Variants in ZNF12 observed in about 807,000 individuals in gnomAD.
The protein encoded by ZNF12 is gonadotropin inducible transcription repressor 3.
ZNF12 carries 34 observed loss-of-function variants against 66.6 expected under a neutral mutation model. That is an observed-to-expected ratio of 0.51 (90% CI 0.39 to 0.68). The LOEUF is 0.68. Among genes scored for constraint, ZNF12 ranks in the 30% least tolerant of loss-of-function variants. The probability of loss-of-function intolerance (pLI) is 0.00; values close to 1 mark genes in which losing one functional copy is unlikely to be tolerated. For synonymous variants in ZNF12, 320 were observed against 278.9 expected, an observed-to-expected ratio of 1.15 and a Z score of -1.47; for missense variants, 697 against 826.9, an observed-to-expected ratio of 0.84 and a Z score of 1.93.
Position 6,698,468 on chromosome 7 carries a change from C to G in ZNF12, c.16-657G>C, listed in dbSNP as rs1294129111. Reference sequence around the variant, plus strand: ...TGGCAAACTCAACATCCCTGAAATTCAATTGCTGTTCCTGTTCAAACCTGC... The same window carrying G: ...TGGCAAACTCAACATCCCTGAAATTGAATTGCTGTTCCTGTTCAAACCTGC... On this transcript the variant is annotated intron_variant, in intron 2 of 4. Coordinates refer to ENST00000405858, the MANE Select transcript of ZNF12 (RefSeq NM_016265.4). This position sits in a 1 kb window ranked among gnomAD's most constrained non-coding sequence, Gnocchi z 4.4. Among the ~76,000 whole-genome samples the G allele has an allele frequency of 1.3e-5, 2 of 152,194 alleles. No individual in the cohort carries two copies. The highest frequency in any genetic ancestry group is 2.9e-5 in the Non-Finnish European group (2 of 68,032).
At chr7:6,695,167 G>A (rs563106972) in intron 4 of ZNF12, among the ~76,000 whole-genome samples, 16 of 152,188 alleles carry the variant, frequency 1.1e-4, no homozygotes, top group Admixed American at 2.0e-4. Flanking sequence ...TGCCCGCCTC[G>A]GCCTCCCAAA....
chr7:6,688,797 C>T lies in ZNF12; in HGVS notation c.*2051G>A, dbSNP rs1294685547. The T allele has an allele frequency of 2.0e-5, 3 of 152,454 alleles. No individual in the cohort carries two copies. Among genetic ancestry groups the T allele is most frequent in the African/African-American group, 7.2e-5 (3 of 41,454 alleles). The allele number at this position is 152,454 out of a possible 1,614,324, so 9.4% of individuals were successfully genotyped here. A position where few individuals can be genotyped will look rare whatever the true frequency, so the allele number is the denominator to read the frequency against. ...CTTACCTCATACTATATGTTGTCAGCTAACACTGTAGCAGTGGTATATGAA... is the reference window on the plus strand; with the variant it reads ...CTTACCTCATACTATATGTTGTCAGTTAACACTGTAGCAGTGGTATATGAA... On this transcript the variant is annotated 3_prime_UTR_variant, in exon 5 of 5. Coordinates refer to ENST00000405858, the MANE Select transcript of ZNF12 (RefSeq NM_016265.4). This position sits in a 1 kb window ranked among gnomAD's most constrained non-coding sequence, Gnocchi z 4.3.
intron 2 of ZNF12, among the ~76,000 whole-genome samples, chr7:6,699,229 G>T (rs1188426858): frequency 6.6e-6 from 1 of 152,226 alleles, no homozygotes; most frequent in Admixed American, 6.5e-5. Context: ...GTCATGTTCA[G>T]AGCTACGTAA....
In ZNF12 at chr7:6,692,267, G is replaced by A. The variant is rs370027127; in HGVS notation, c.675C>T (p.Ala225=). The A allele has an allele frequency of 1.2e-6, 2 of 1,613,216 alleles. No homozygotes were observed. Among genetic ancestry groups the A allele is most frequent in the Non-Finnish European group, 1.7e-6 (2 of 1,179,658 alleles). ...KPFEYIECQK[A]FQKDTVFVNH... ...TAACAAAAACAGTGTCCTTTTGGAA[G>A]GCTTTCTGGCATTCAATATATTCAA... Residue 225 remains alanine (A), a synonymous_variant, in exon 5 of 5, where the codon GCC becomes GCT. Transcript: ENST00000405858. The surrounding 1 kb of genome is among the most constrained non-coding windows in gnomAD (Gnocchi z 5.1).
chr7:6,702,514 A>G (rs1225996346), intron 2 of ZNF12, among the ~76,000 whole-genome samples: 15 of 23,036 alleles, frequency 6.5e-4, no homozygotes, highest in East Asian at 1.9e-3. Context: ...ACACAGATTT[A>G]TCTCCCAAAC....
intron 2 of ZNF12, chr7:6,704,315 TA>T (rs899055516): frequency 1.1e-3 from 145 of 133,444 alleles, no homozygotes; most frequent in Middle Eastern, 4.1e-3. Flanking sequence ...ACTCCATCTT[TA>T]AAAAAAAAAA....
At position 6,706,891 on chromosome 7, in the gene ZNF12, A is replaced by G; in HGVS notation, c.-510T>C. ...CCGCGATTCTCGCCCACCGGAGGCCAAAGCCTGGGAACTAGGGCGAGCGGT... is the reference window on the plus strand; with the variant it reads ...CCGCGATTCTCGCCCACCGGAGGCCGAAGCCTGGGAACTAGGGCGAGCGGT... On this transcript the variant is annotated 5_prime_UTR_variant, in exon 1 of 5. Transcript: ENST00000405858. The G allele has an allele frequency of 2.5e-6, 1 of 407,806 alleles. No homozygotes were observed. The highest frequency in any genetic ancestry group is 4.9e-6 in the Non-Finnish European group (1 of 206,070). 25.3% of individuals were successfully genotyped at this position (407,806 alleles called of 1,614,324 possible). A position where few individuals can be genotyped will look rare whatever the true frequency, so the allele number is the denominator to read the frequency against.
Position 6,692,433 on chromosome 7 carries a change from C to T in ZNF12, c.509G>A (p.Gly170Glu), listed in dbSNP as rs541193790. ...YARMKADECS[G>E]CGKSLLHIKL... Reference sequence around the variant, plus strand: ...AATATGGAGGAGTGATTTCCCACATCCACTACATTCATCAGCTTTCATTCT... The same window carrying T: ...AATATGGAGGAGTGATTTCCCACATTCACTACATTCATCAGCTTTCATTCT... The change falls in exon 5 of 5, where the codon GGA becomes GAA. Residue 170 changes from glycine to glutamate, a missense_variant. Coordinates refer to ENST00000405858, the MANE Select transcript of ZNF12 (RefSeq NM_016265.4). The surrounding 1 kb of genome is among the most constrained non-coding windows in gnomAD (Gnocchi z 5.1). 8.6e-5 allele frequency: 138 copies of T among 1,613,288 alleles called. 1 individual carries two copies. In the South Asian group the frequency reaches 1.5e-3, roughly 17 times the overall value.
At chr7:6,702,371 T>C (rs1343467559) in intron 2 of ZNF12, among the ~76,000 whole-genome samples, 1 of 138,966 alleles carries the variant, frequency 7.2e-6, no homozygotes, top group Non-Finnish European at 1.5e-5. Context: ...ACCAGATTCA[T>C]CTCCCAAACT....
chr7:6,698,115 G>A lies in ZNF12; in HGVS notation c.16-304C>T. On this transcript the variant is annotated intron_variant, in intron 2 of 4. Coordinates refer to ENST00000405858, the MANE Select transcript of ZNF12 (RefSeq NM_016265.4). This position sits in a 1 kb window ranked among gnomAD's most constrained non-coding sequence, Gnocchi z 4.4. ...TCTCACCCCTGAGGAGCACAGGCCT[G>A]GGGACACTCACAGAACCCCAGGATG... The A allele has an allele frequency of 1.8e-6, 1 of 565,334 alleles. No individual in the cohort carries two copies. The highest frequency in any genetic ancestry group is 3.3e-6 in the Non-Finnish European group (1 of 298,606). 35.0% of individuals were successfully genotyped at this position (565,334 alleles called of 1,614,324 possible). A position where few individuals can be genotyped will look rare whatever the true frequency, so the allele number is the denominator to read the frequency against.
rs1780364128 is a variant in ZNF12, at chr7:6,706,662, G to A, written c.-281C>T. 6.0e-5 allele frequency: 21 copies of A among 350,304 alleles called. No individual in the cohort carries two copies. Among genetic ancestry groups the A allele is most frequent in the South Asian group, 3.9e-4 (19 of 48,744 alleles). The allele number at this position is 350,304 out of a possible 1,614,324, so 21.7% of individuals were successfully genotyped here. A position where few individuals can be genotyped will look rare whatever the true frequency, so the allele number is the denominator to read the frequency against. ...CGTCCTGCGGAGCCGGGGCCGGGCCGTCGAGGACGCACACGGGCCGGGCCC... is the reference window on the plus strand; with the variant it reads ...CGTCCTGCGGAGCCGGGGCCGGGCCATCGAGGACGCACACGGGCCGGGCCC... On this transcript the variant is annotated 5_prime_UTR_variant, in exon 1 of 5. In the 5' UTR this introduces an upstream ATG that the reference lacks. Coordinates refer to ENST00000405858, the MANE Select transcript of ZNF12 (RefSeq NM_016265.4).
In ZNF12 at chr7:6,690,906, T is replaced by C. The variant is rs747011240; in HGVS notation, c.2036A>G (p.His679Arg). Residue 679 changes from histidine (H) to arginine (R), a missense_variant, in exon 5 of 5, where the codon CAT becomes CGT. Physicochemically the swap from His to Arg is conservative, Grantham distance 29. This residue lies in a region of ZNF12 where 401 missense variants were observed against 519.0 expected (regional missense o/e 0.77). Transcript: ENST00000405858. ...KFYHKSAFNS[H>R]QRIHRRGNMN... ...ATTGCCTCTCCTATGAATTCTCTGATGGCTGTTGAATGCTGATTTGTGGTA... is the reference window on the plus strand; with the variant it reads ...ATTGCCTCTCCTATGAATTCTCTGACGGCTGTTGAATGCTGATTTGTGGTA... 6.2e-7 allele frequency: 1 copy of C among 1,614,040 alleles called. No homozygotes were observed. The highest frequency in any genetic ancestry group is 8.5e-7 in the Non-Finnish European group (1 of 1,179,940).
chr7:6,694,166 CA>C lies in ZNF12; in HGVS notation c.239-1464del, dbSNP rs753121327. On this transcript the variant is annotated intron_variant, in intron 4 of 4. Transcript: ENST00000405858. Reference sequence around the variant, plus strand: ...TGGGTGACAGAGTGAGAATCTGTCTCAAAAAAAAAAACAAAACAAACAAAAC... The same window carrying C: ...TGGGTGACAGAGTGAGAATCTGTCTCAAAAAAAAAACAAAACAAACAAAAC... Among the ~76,000 whole-genome samples, 767 of 139,434 alleles carry C rather than the reference CA, an allele frequency of 5.5e-3. 19 individuals are homozygous for C. In the East Asian group the frequency reaches 0.074, roughly 14 times the overall value. The allele number at this position is 139,434 out of a possible 152,430, so 91.5% of individuals were successfully genotyped here. A position where few individuals can be genotyped will look rare whatever the true frequency, so the allele number is the denominator to read the frequency against.
intron 2 of ZNF12, among the ~76,000 whole-genome samples, chr7:6,703,115 A>C (rs1207215594): frequency 6.6e-6 from 1 of 152,096 alleles, no homozygotes; most frequent in Non-Finnish European, 1.5e-5. Context: ...AACACAGCCC[A>C]AATTTTAAAC....
chr7:6,705,717 C>CAAAAA lies in ZNF12; in HGVS notation c.-50-499_-50-495dup, dbSNP rs71978935. Among the ~76,000 whole-genome samples the CAAAAA allele has an allele frequency of 0.017, 2,573 of 148,368 alleles. 80 individuals carry two copies. Among genetic ancestry groups the CAAAAA allele is most frequent in the African/African-American group, 0.06 (2,410 of 39,974 alleles). On this transcript the variant is annotated intron_variant, in intron 1 of 4. Coordinates refer to ENST00000405858, the MANE Select transcript of ZNF12 (RefSeq NM_016265.4). This position sits in a 1 kb window ranked among gnomAD's most constrained non-coding sequence, Gnocchi z 4.0. ...CTGGGCAACAAAGCGAAACTTGTCTCAAAAACAAACAAACAAACAAACAAA... is the reference window on the plus strand; with the variant it reads ...CTGGGCAACAAAGCGAAACTTGTCTCAAAAAAAAAACAAACAAACAAACAAACAAA...
In ZNF12 at chr7:6,705,441, T is replaced by C. The variant is rs1005005630; in HGVS notation, c.-50-218A>G. On this transcript the variant is annotated intron_variant, in intron 1 of 4. Coordinates refer to ENST00000405858, the MANE Select transcript of ZNF12 (RefSeq NM_016265.4). The surrounding 1 kb of genome is among the most constrained non-coding windows in gnomAD (Gnocchi z 4.0). ...TACCTTGTGACTGAGTGGATGAGAT[T>C]CTCATGGTGAATGAATACTGGATCC... Among the ~76,000 whole-genome samples, 2 of 152,214 alleles carry C rather than the reference T, an allele frequency of 1.3e-5. No individual in the cohort carries two copies. The highest frequency in any genetic ancestry group is 4.8e-5 in the African/African-American group (2 of 41,440).
At position 6,696,290 on chromosome 7, in the gene ZNF12, G is replaced by T. The variant is rs1411164810; in HGVS notation, c.238+1049C>A. 1.3e-5 allele frequency among the ~76,000 whole-genome samples: 2 copies of T among 152,012 alleles called. No homozygotes were observed. The highest frequency in any genetic ancestry group is 4.8e-5 in the African/African-American group (2 of 41,424). ...TCAGTAATATCTGATGAGAATTTCAGTGGTTTCACAGGGACCACTATAGAA... is the reference window on the plus strand; with the variant it reads ...TCAGTAATATCTGATGAGAATTTCATTGGTTTCACAGGGACCACTATAGAA... On this transcript the variant is annotated intron_variant, in intron 4 of 4. Coordinates refer to ENST00000405858, the MANE Select transcript of ZNF12 (RefSeq NM_016265.4). This position sits in a 1 kb window ranked among gnomAD's most constrained non-coding sequence, Gnocchi z 4.0.
In ZNF12 at chr7:6,697,425, A is replaced by C. The variant is rs772712977; in HGVS notation, c.152T>G (p.Ile51Ser). The change falls in exon 4 of 5, where the codon ATT (isoleucine) becomes AGT (serine). Residue 51 changes from isoleucine to serine, a missense_variant. Ile to Ser is a moderately radical substitution (Grantham distance 142). Coordinates refer to ENST00000405858, the MANE Select transcript of ZNF12 (RefSeq NM_016265.4). This position sits in a 1 kb window ranked among gnomAD's most constrained non-coding sequence, Gnocchi z 6.1. Reference sequence around the variant, plus strand: ...CTTGCTGATAACATCCGGTTTGATAATGTGATACCCTGTTAATGAGAAATG... The same window carrying C: ...CTTGCTGATAACATCCGGTTTGATACTGTGATACCCTGTTAATGAGAAATG... ...YSNLVSVGYHIIKPDVISKLE... is the reference protein window; with the variant it reads ...YSNLVSVGYHSIKPDVISKLE... 1.4e-5 allele frequency: 22 copies of C among 1,611,754 alleles called. No individual in the cohort carries two copies. Among genetic ancestry groups the C allele is most frequent in the Non-Finnish European group, 1.9e-5 (22 of 1,178,980 alleles).
In ZNF12 at chr7:6,691,998, T is replaced by G; in HGVS notation, c.944A>C (p.His315Pro). ...CTTCTCCCCTGTGTGTGTTCTCTGA[T>G]GCACAGTAAGGGTTCCCTTCTGGCA... ...SFCQKGTLTV[H>P]QRTHTGEKPY... The change falls in exon 5 of 5, where the codon CAT becomes CCT. Residue 315 changes from histidine to proline, a missense_variant. By Grantham distance (77) the His-to-Pro change is moderately conservative. Around this residue, in one of 3 missense-constraint regions of ZNF12, gnomAD observed 401 missense variants for 519.0 expected, o/e 0.77. Transcript: ENST00000405858. 1 of 1,614,112 alleles carries G rather than the reference T, an allele frequency of 6.2e-7. No homozygotes were observed.
Sources: allele counts gnomAD v4.1 joint callset (sites outside exome capture counted in the v4.1 genomes callset), GRCh38; gene constraint gnomAD v4.1.1; regional missense constraint gnomAD v4.1.1; non-coding constraint Gnocchi (gnomAD v3.1); transcripts MANE v1.5; gene names NCBI Gene and HGNC (gene_info 2026-07-23, HGNC 2026-07-21).